The following PSMD1 variants were observed in gnomAD, a reference collection of about 807,000 sequenced individuals.
PSMD1 encodes proteasome 26S subunit, non-ATPase 1.
Under a neutral mutation model 119.0 loss-of-function variants are expected in PSMD1, and 18 were observed. That is an observed-to-expected ratio of 0.15 (90% CI 0.10 to 0.22). PSMD1 has a LOEUF of 0.22. Among genes scored for constraint, PSMD1 ranks in the 10% least tolerant of loss-of-function variants. The pLI, the probability that PSMD1 is intolerant of heterozygous loss-of-function variation, is 1.00. For missense variants in PSMD1, 702 were observed against 1,158.5 expected (o/e 0.61, Z 5.72); for synonymous variants, 374 against 396.6 (o/e 0.94, Z 0.68).
At chr2:231,076,243 T>G (rs1236372849) in intron 8 of PSMD1, among the ~76,000 whole-genome samples, 1 of 152,234 alleles carries the variant, frequency 6.6e-6, no homozygotes, top group Non-Finnish European at 1.5e-5. Flanking sequence ...TTTTAATGTT[T>G]GCAGCGTATT....
chr2:231,107,625 C>T (rs1462193415), intron 16 of PSMD1, among the ~76,000 whole-genome samples: 2 of 152,118 alleles, frequency 1.3e-5, no homozygotes, highest in Non-Finnish European at 2.9e-5. Context: ...ACAGGTTGGA[C>T]TCATTCTGAG....
intron 16 of PSMD1, among the ~76,000 whole-genome samples, chr2:231,102,313 A>G (rs1470295740): frequency 6.6e-6 from 1 of 152,122 alleles, no homozygotes. Flanking sequence ...GAGGTATTTT[A>G]TTAAAGAATA....
At chr2:231,114,985 GT>G (rs1305014218) in intron 16 of PSMD1, among the ~76,000 whole-genome samples, 1 of 152,084 alleles carries the variant, frequency 6.6e-6, no homozygotes, top group Non-Finnish European at 1.5e-5. Context: ...GGATTTGATT[GT>G]TATATGTCCA....
At chr2:231,119,079 G>T (rs1695442696) in intron 16 of PSMD1, among the ~76,000 whole-genome samples, 1 of 152,138 alleles carries the variant, frequency 6.6e-6, no homozygotes, top group Non-Finnish European at 1.5e-5. Context: ...CTGGGGTTCA[G>T]TGTCTAATAT....
intron 18 of PSMD1, among the ~76,000 whole-genome samples, chr2:231,149,102 C>G (rs1696314893): frequency 6.6e-6 from 1 of 152,200 alleles, no homozygotes; most frequent in Non-Finnish European, 1.5e-5. Flanking sequence ...TCTTATGTAA[C>G]CATTAATATA....
In PSMD1 at chr2:231,123,613, C is replaced by T. The variant is rs61731726; in HGVS notation, c.1884-15123C>T. On this transcript the variant is annotated intron_variant, in intron 16 of 24. Coordinates refer to ENST00000308696, the MANE Select transcript of PSMD1 (RefSeq NM_002807.4). ...AAGAGCTGCCCAGTGCAGTTTATTTCCCTGTTCCTCAACAATCTGTTTCAT... is the reference window on the plus strand; with the variant it reads ...AAGAGCTGCCCAGTGCAGTTTATTTTCCTGTTCCTCAACAATCTGTTTCAT... The T allele has an allele frequency of 4.1e-3, 6,694 of 1,614,040 alleles. 257 individuals are homozygous for T. The African/African-American group carries it at 0.079, about 19-fold the overall frequency.
At chr2:231,072,445 A>AATTGAATAATCTTTATTTC (rs748608197) in intron 7 of PSMD1, 30 bp downstream of exon 7, 1 of 1,516,052 alleles carries the variant, frequency 6.6e-7, no homozygotes, top group South Asian at 1.1e-5. Context: ...CATCAAAACT[A>AATTGAATAATCTTTATTTC]ATTGAATAAT....
intron 17 of PSMD1, among the ~76,000 whole-genome samples, chr2:231,144,300 G>A (rs181223805): frequency 1.5e-4 from 23 of 150,712 alleles, no homozygotes; most frequent in East Asian, 7.7e-4. Context: ...TGCCCAGGCC[G>A]GAGTGCAATG....
At chr2:231,159,294 C>T (rs544085057) in intron 19 of PSMD1, among the ~76,000 whole-genome samples, 19 of 152,296 alleles carry the variant, frequency 1.2e-4, no homozygotes, top group African/African-American at 3.6e-4. Context: ...TGGGCCAAAT[C>T]TGATAATGGT....
At chr2:231,095,955 C>A (rs1694713370) in intron 16 of PSMD1, among the ~76,000 whole-genome samples, 1 of 152,174 alleles carries the variant, frequency 6.6e-6, no homozygotes, top group Non-Finnish European at 1.5e-5. Context: ...TTTGTAATTT[C>A]TTTCCCTTTA....
At chr2:231,154,656 A>G (rs1192205544) in intron 19 of PSMD1, among the ~76,000 whole-genome samples, 1 of 152,112 alleles carries the variant, frequency 6.6e-6, no homozygotes, top group Admixed American at 6.5e-5. Flanking sequence ...TCTTGTAGAG[A>G]TAGGATCTCA....
intron 4 of PSMD1, among the ~76,000 whole-genome samples, chr2:231,064,070 A>C (rs1693832391): frequency 1.3e-5 from 2 of 152,190 alleles, no homozygotes; most frequent in Admixed American, 6.5e-5. Flanking sequence ...GACTGTTGGT[A>C]TGAAGTGCTA....
At chr2:231,130,309 CAT>C (rs990046574) in intron 16 of PSMD1, among the ~76,000 whole-genome samples, 1 of 152,118 alleles carries the variant, frequency 6.6e-6, no homozygotes, top group African/African-American at 2.4e-5. Context: ...CATATCAAAA[CAT>C]GTGAAAGAGC....
intron 19 of PSMD1, among the ~76,000 whole-genome samples, chr2:231,161,031 T>C (rs1696626624): frequency 6.6e-6 from 1 of 152,072 alleles, no homozygotes. Flanking sequence ...GGCAACATAG[T>C]GAGACCCTCG....
rs181278800 is a variant in PSMD1 at position 231,133,256 on chromosome 2, T to C, written c.1884-5480T>C. Among the ~76,000 whole-genome samples, 83 of 152,282 alleles carry C rather than the reference T, an allele frequency of 5.5e-4. 1 individual carries two copies. The highest frequency in any genetic ancestry group is 4.5e-3 in the Admixed American group (69 of 15,286). On this transcript the variant is annotated intron_variant, in intron 16 of 24. Transcript: ENST00000308696. ...CGCGCCACCACACCCGGCTAATTTTTGTAGTTTTTGTAGAGACGGGGTTTC... is the reference window on the plus strand; with the variant it reads ...CGCGCCACCACACCCGGCTAATTTTCGTAGTTTTTGTAGAGACGGGGTTTC...
intron 12 of PSMD1, among the ~76,000 whole-genome samples, chr2:231,080,922 C>A (rs985191737): frequency 7.9e-5 from 12 of 152,038 alleles, no homozygotes; most frequent in Admixed American, 2.0e-4. Flanking sequence ...GCGGGTGGAT[C>A]ACCTGAAGTG....
At chr2:231,150,038 GA>G (rs1696337813) in intron 18 of PSMD1, among the ~76,000 whole-genome samples, 1 of 152,010 alleles carries the variant, frequency 6.6e-6, no homozygotes, top group Non-Finnish European at 1.5e-5. Context: ...GGAGATTTGG[GA>G]ACTAGCCATA....
At chr2:231,126,856 G>A (rs925218453) in intron 16 of PSMD1, among the ~76,000 whole-genome samples, 1 of 151,930 alleles carries the variant, frequency 6.6e-6, no homozygotes, top group African/African-American at 2.4e-5. Context: ...GTTATGGGAA[G>A]CATAGCTGAG....
intron 16 of PSMD1, among the ~76,000 whole-genome samples, chr2:231,091,242 A>G (rs1283952851): frequency 1.3e-5 from 2 of 152,232 alleles, no homozygotes; most frequent in Non-Finnish European, 2.9e-5. Flanking sequence ...CCTGCACACG[A>G]ATGATCACAG....
Sources: gnomAD v4.1 joint callset for allele counts (sites outside exome capture counted in the v4.1 genomes callset) on GRCh38, gnomAD v4.1.1 for gene constraint, MANE v1.5 for transcripts, NCBI Gene and HGNC (gene_info 2026-07-23, HGNC 2026-07-21) for gene names.